TMEM242: variants seen among roughly 807,000 people sequenced by gnomAD.
TMEM242 encodes the protein transmembrane protein 242.
TMEM242 carries 10 observed loss-of-function variants against 18.2 expected under a neutral mutation model. That is an observed-to-expected ratio of 0.55 (90% CI 0.34 to 0.93). The LOEUF is 0.93. Ranked by LOEUF, TMEM242 falls within the 40% of genes least tolerant of loss-of-function variation. The pLI is 0.02. For synonymous variants in TMEM242, 57 were observed against 69.9 expected (o/e 0.81, Z 0.92); for missense variants, 186 against 175.5 (o/e 1.06, Z -0.34).
At chr6:157,312,589 A>T (rs1562385097) in intron 3 of TMEM242, among the ~76,000 whole-genome samples, 29 of 150,848 alleles carry the variant, frequency 1.9e-4, no homozygotes, top group Non-Finnish European at 4.4e-5. Context: ...GCCTCATCAT[A>T]GTGCCGCAGT....
chr6:157,322,609 A>G, intron 2 of TMEM242, 96 bp downstream of exon 2: 1 of 986,288 alleles, frequency 1.0e-6, no homozygotes, highest in Non-Finnish European at 1.5e-6. Context: ...TCTTAAAGCA[A>G]TGTGAAAGAC....
intron 3 of TMEM242, among the ~76,000 whole-genome samples, chr6:157,312,358 T>TGCCCCAGTGTGCGCTCA (rs1583568744): frequency 5.5e-4 from 7 of 12,682 alleles, no homozygotes; most frequent in East Asian, 2.2e-3. Context: ...CCTCATCATG[T>TGCCCCAGTGTGCGCTCA]CCCAGTGTGC....
intron 3 of TMEM242, among the ~76,000 whole-genome samples, chr6:157,312,439 T>G (rs587694122): frequency 1.0e-5 from 1 of 95,466 alleles, no homozygotes; most frequent in South Asian, 3.9e-4. Flanking sequence ...CAGTGTGCAC[T>G]CACCGAGCCT....
intron 3 of TMEM242, among the ~76,000 whole-genome samples, chr6:157,301,527 G>T (rs1777829839): frequency 6.6e-6 from 1 of 152,106 alleles, no homozygotes; most frequent in Non-Finnish European, 1.5e-5. Context: ...GGTCAGGCTG[G>T]TCTCTAACTC....
At chr6:157,303,645 G>A (rs1777862699) in intron 3 of TMEM242, among the ~76,000 whole-genome samples, 2 of 152,170 alleles carry the variant, frequency 1.3e-5, no homozygotes, top group African/African-American at 4.8e-5. Context: ...TGGTTTAGGG[G>A]AAAGGGATAA....
At chr6:157,320,836 A>G (rs1554250667) in intron 2 of TMEM242, among the ~76,000 whole-genome samples, 1 of 152,168 alleles carries the variant, frequency 6.6e-6, no homozygotes, top group African/African-American at 2.4e-5. Flanking sequence ...AGACAAGCTC[A>G]TTTTATTCAT....
chr6:157,293,916 T>C (rs1554247020), intron 3 of TMEM242, among the ~76,000 whole-genome samples: 1 of 152,130 alleles, frequency 6.6e-6, no homozygotes, highest in Non-Finnish European at 1.5e-5. Flanking sequence ...AGATGGGGTC[T>C]TGCTATGTTG....
chr6:157,290,871 G>T lies in TMEM242; in HGVS notation c.*2030C>A, dbSNP rs1051867335. ...GGGAGTTCCCCTGCCATCGGTCAAG[G>T]ACAGCAGAGGTGACATATAAGGGTT... On this transcript the variant is annotated 3_prime_UTR_variant, in exon 4 of 4. Transcript: ENST00000400788. 1.3e-5 allele frequency: 2 copies of T among 152,230 alleles called. No homozygotes were observed. Among genetic ancestry groups the T allele is most frequent in the Non-Finnish European group, 2.9e-5 (2 of 68,040 alleles). The allele number at this position is 152,230 out of a possible 1,614,324, so 9.4% of individuals were successfully genotyped here. A position where few individuals can be genotyped will look rare whatever the true frequency, so the allele number is the denominator to read the frequency against.
intron 3 of TMEM242, among the ~76,000 whole-genome samples, chr6:157,296,208 G>T (rs1777747189): frequency 6.6e-6 from 1 of 152,174 alleles, no homozygotes; most frequent in African/African-American, 2.4e-5. Flanking sequence ...AAGTCTGGTG[G>T]GGGGTATGCT....
At chr6:157,313,386 GCTCACCGGGCCTTATTACAGTGTCC>G (rs1562386235) in intron 3 of TMEM242, among the ~76,000 whole-genome samples, 20 of 3,304 alleles carry the variant, frequency 6.1e-3, no homozygotes, top group Middle Eastern at 0.25. Flanking sequence ...CTCAGTGTAC[GCTCACCGGGCCTTATTACAGTGTCC>G]AGTGTGCGCT....
At chr6:157,311,386 GCT>G (rs1562383005) in intron 3 of TMEM242, among the ~76,000 whole-genome samples, 155 of 18,534 alleles carry the variant, frequency 8.4e-3, no homozygotes, top group African/African-American at 0.012. Flanking sequence ...TCCAGTGTGC[GCT>G]CACCTAGCCT....
rs1778491942 is a variant in TMEM242, at chr6:157,321,182, GTAT to G, written c.189+1520_189+1522del. Among the ~76,000 whole-genome samples, 3 of 151,856 alleles carry G rather than the reference GTAT, an allele frequency of 2.0e-5. No homozygotes were observed. In the East Asian group the frequency reaches 5.8e-4, roughly 29 times the overall value. On this transcript the variant is annotated intron_variant, in intron 2 of 3. Transcript: ENST00000400788. ...CGCCACCCGCCCAGTTAATTCTTTT[GTAT>G]TTTTAGTAGAGACGGGGTTTCATCG...
At chr6:157,313,377 T>C (rs62425605) in intron 3 of TMEM242, among the ~76,000 whole-genome samples, 3,090 of 22,268 alleles carry the variant, frequency 0.14, 7 homozygotes, top group African/African-American at 0.17. Context: ...TCATAGTGCC[T>C]CAGTGTACGC....
chr6:157,292,756 A>G lies in TMEM242; in HGVS notation c.*145T>C. 1.6e-6 allele frequency: 1 copy of G among 611,810 alleles called. No homozygotes were observed. The highest frequency in any genetic ancestry group is 2.9e-6 in the Non-Finnish European group (1 of 346,116). The allele number at this position is 611,810 out of a possible 1,614,324, so 37.9% of individuals were successfully genotyped here. On this transcript the variant is annotated 3_prime_UTR_variant, in exon 4 of 4. Coordinates refer to ENST00000400788, the MANE Select transcript of TMEM242 (RefSeq NM_018452.6). ...CGCACACACATACTCTCCTGTGATG[A>G]GGCTGAATGCTATCCAGTGCACTGG...
chr6:157,310,152 G>C (rs1190246953), intron 3 of TMEM242, among the ~76,000 whole-genome samples: 1 of 152,194 alleles, frequency 6.6e-6, no homozygotes, highest in Non-Finnish European at 1.5e-5. Flanking sequence ...AATCCTTCAA[G>C]TATCAACACG....
At chr6:157,310,988 G>A (rs1293129685) in intron 3 of TMEM242, among the ~76,000 whole-genome samples, 61 of 910 alleles carry the variant, frequency 0.067, 14 homozygotes, top group African/African-American at 0.12. Flanking sequence ...CCCAGTATGC[G>A]CTAACCTAGC....
At chr6:157,299,877 T>C (rs1327302616) in intron 3 of TMEM242, 13 of 1,613,098 alleles carry the variant, frequency 8.1e-6, no homozygotes, top group Middle Eastern at 3.3e-4. Context: ...AGTTCATCAC[T>C]CAAGCCTTTT....
chr6:157,317,356 A>G (rs1554250438), intron 3 of TMEM242, among the ~76,000 whole-genome samples: 1 of 152,156 alleles, frequency 6.6e-6, no homozygotes, highest in Non-Finnish European at 1.5e-5. Flanking sequence ...TCACCAGCAT[A>G]CAACACAGTC....
chr6:157,292,934 A>G lies in TMEM242; in HGVS notation c.393T>C (p.Ala131=). 6.2e-7 allele frequency: 1 copy of G among 1,613,758 alleles called. No individual in the cohort carries two copies. Among genetic ancestry groups the G allele is most frequent in the Non-Finnish European group, 8.5e-7 (1 of 1,179,722 alleles). ...ATTTCAATGTTTCCTCCCACTCAAC[A>G]GCCGATTCGGAGTTCTTGGGAATTG... ...FPTIPKNSES[A]VEWEETLKSK Residue 131 remains alanine (A), a synonymous_variant, in exon 4 of 4, where the codon GCT becomes GCC. Transcript: ENST00000400788.
Sources: allele counts gnomAD v4.1 joint callset (sites outside exome capture counted in the v4.1 genomes callset), GRCh38; gene constraint gnomAD v4.1.1; transcripts MANE v1.5; gene names NCBI Gene and HGNC (gene_info 2026-07-23, HGNC 2026-07-21).